CA5A: variants seen among roughly 807,000 people sequenced by gnomAD.
CA5A encodes the protein carbonic anhydrase 5A.
In CA5A, 28 loss-of-function variants were observed where a neutral mutation model predicts 37.1. That is an observed-to-expected ratio of 0.75 (90% CI 0.56 to 1.03). The LOEUF (loss-of-function observed/expected upper bound fraction) is 1.03. Ranked by LOEUF, CA5A falls within the 50% of genes least tolerant of loss-of-function variation. The probability of loss-of-function intolerance (pLI) is 0.00; values close to 1 mark genes in which losing one functional copy is unlikely to be tolerated. For missense variants in CA5A, 444 were observed against 399.9 expected (o/e 1.11, Z -0.94); for synonymous variants, 171 against 158.4 (o/e 1.08, Z -0.60).
chr16:87,924,675 C>A (rs369443251), intron 2 of CA5A, among the ~76,000 whole-genome samples: 1 of 152,364 alleles, frequency 6.6e-6, no homozygotes, highest in Middle Eastern at 3.4e-3. Context: ...CAGACCTCCC[C>A]GTGACAGCAG....
intron 2 of CA5A, among the ~76,000 whole-genome samples, chr16:87,920,094 C>G (rs1219322811): frequency 6.6e-6 from 1 of 152,156 alleles, no homozygotes; most frequent in Non-Finnish European, 1.5e-5. Context: ...GAGGACAAGG[C>G]TGAGTCACGA....
At chr16:87,910,656 C>T (rs2056037378) in intron 2 of CA5A, among the ~76,000 whole-genome samples, 1 of 152,142 alleles carries the variant, frequency 6.6e-6, no homozygotes, top group Non-Finnish European at 1.5e-5. Flanking sequence ...CGGCTCACTT[C>T]AACCTCTGCC....
chr16:87,907,957 T>A (rs4843736), intron 2 of CA5A, among the ~76,000 whole-genome samples: 1 of 151,924 alleles, frequency 6.6e-6, no homozygotes, highest in African/African-American at 2.4e-5. Context: ...ACAAAAGCGG[T>A]TGTTTCCGTC....
intron 1 of CA5A, 27 bp downstream of exon 1, chr16:87,936,282 T>A (rs761676750): frequency 6.5e-7 from 1 of 1,546,558 alleles, no homozygotes; most frequent in South Asian, 1.1e-5. Context: ...TCCAGTCGCA[T>A]CTTAGGAAAT....
chr16:87,924,150 C>G (rs560694422), intron 2 of CA5A: 85 of 985,310 alleles, frequency 8.6e-5, no homozygotes, highest in Non-Finnish European at 9.8e-5. Flanking sequence ...CCCACTTTCC[C>G]TCTTCTTCTC....
At position 87,913,456 on chromosome 16, in the gene CA5A, A is replaced by AT. The variant is rs546370762; in HGVS notation, c.341-8553dup. Reference sequence around the variant, plus strand: ...TAGCTGGGACCACCATGCCCGGCTAATTTTTTTTACAAGACCACTGTTAAA... The same window carrying AT: ...TAGCTGGGACCACCATGCCCGGCTAATTTTTTTTTACAAGACCACTGTTAAA... On this transcript the variant is annotated intron_variant, in intron 2 of 6. Transcript: ENST00000649794. 1.3e-3 allele frequency among the ~76,000 whole-genome samples: 198 copies of AT among 151,862 alleles called. 1 individual carries two copies. Among genetic ancestry groups the AT allele is most frequent in the African/African-American group, 3.6e-3 (151 of 41,396 alleles).
In CA5A at chr16:87,902,413, G is replaced by C. The variant is rs183776303; in HGVS notation, c.555+12C>G. ...CTTTCTTCATTAGATCTACACCCGA[G>C]CAAGTGATTACCTTTAAAAACACGC... On this transcript the variant is annotated intron_variant, in intron 4 of 6. Transcript: ENST00000649794. 251 of 1,529,514 alleles carry C rather than the reference G, an allele frequency of 1.6e-4. No individual in the cohort carries two copies. The African/African-American group carries it at 2.7e-3, about 16-fold the overall frequency. 94.7% of individuals were successfully genotyped at this position (1,529,514 alleles called of 1,614,324 possible). A position where few individuals can be genotyped will look rare whatever the true frequency, so the allele number is the denominator to read the frequency against.
At chr16:87,908,956 T>A (rs959633390) in intron 2 of CA5A, among the ~76,000 whole-genome samples, 3 of 151,536 alleles carry the variant, frequency 2.0e-5, no homozygotes, top group Non-Finnish European at 2.9e-5. Flanking sequence ...CCCAAGTAGC[T>A]GGGACTACAG....
chr16:87,899,525 A>T (rs905543720), intron 5 of CA5A, among the ~76,000 whole-genome samples: 1 of 150,428 alleles, frequency 6.6e-6, no homozygotes, highest in Non-Finnish European at 1.5e-5. Context: ...CTGGTTTTGA[A>T]CACCTGACCT....
chr16:87,923,040 G>A (rs140564743), intron 2 of CA5A, among the ~76,000 whole-genome samples: 4 of 152,368 alleles, frequency 2.6e-5, no homozygotes, highest in Admixed American at 2.0e-4. Context: ...ACAATCTGCA[G>A]TCGGAACGGA....
chr16:87,888,495 C>G (rs923445434), intron 6 of CA5A, among the ~76,000 whole-genome samples: 25 of 152,084 alleles, frequency 1.6e-4, no homozygotes, highest in Admixed American at 1.4e-3. Context: ...GGAAGCTGGT[C>G]GCCATATTGG....
In CA5A at chr16:87,901,977, G is replaced by A. The variant is rs1381529536; in HGVS notation, c.556-3C>T. On this transcript the variant is annotated splice_region_variant and splice_polypyrimidine_tract_variant and intron_variant, in intron 4 of 6. Coordinates refer to ENST00000649794, the MANE Select transcript of CA5A (RefSeq NM_001739.2). ...AGCGTCTGATGATGGGCCCCGAGCT[G>A]CATGGCAGACAAAGGAGGGGTTAGC... 1.2e-6 allele frequency: 2 copies of A among 1,613,364 alleles called. No individual in the cohort carries two copies. The highest frequency in any genetic ancestry group is 2.2e-5 in the East Asian group (1 of 44,872).
chr16:87,902,789 G>A (rs1446642489), intron 3 of CA5A, among the ~76,000 whole-genome samples: 1 of 151,526 alleles, frequency 6.6e-6, no homozygotes, highest in East Asian at 2.0e-4. Context: ...GCGGGAGCCT[G>A]TAGTCCCAGG....
At chr16:87,906,129 G>A (rs542933904) in intron 2 of CA5A, among the ~76,000 whole-genome samples, 46 of 152,198 alleles carry the variant, frequency 3.0e-4, no homozygotes, top group Admixed American at 3.9e-4. Context: ...GCAGCACAGC[G>A]TGCTCCTGGG....
chr16:87,903,314 C>G (rs1435895070), intron 3 of CA5A, among the ~76,000 whole-genome samples: 1 of 152,072 alleles, frequency 6.6e-6, no homozygotes, highest in Non-Finnish European at 1.5e-5. Flanking sequence ...GCCTGTAATC[C>G]CAGCTACTCA....
At chr16:87,907,543 C>T (rs1191720890) in intron 2 of CA5A, among the ~76,000 whole-genome samples, 1 of 152,206 alleles carries the variant, frequency 6.6e-6, no homozygotes, top group African/African-American at 2.4e-5. Context: ...ATGATGGATG[C>T]TTCATGGACA....
At chr16:87,920,175 C>G (rs1222133941) in intron 2 of CA5A, among the ~76,000 whole-genome samples, 1 of 152,198 alleles carries the variant, frequency 6.6e-6, no homozygotes, top group African/African-American at 2.4e-5. Context: ...CACCCCTCAC[C>G]CGAGGTCTGC....
At chr16:87,919,551 G>T (rs1305355756) in intron 2 of CA5A, among the ~76,000 whole-genome samples, 3 of 151,880 alleles carry the variant, frequency 2.0e-5, no homozygotes, top group Admixed American at 6.6e-5. Flanking sequence ...GAGTCTGGGG[G>T]AGCACTCACA....
chr16:87,930,589 G>A (rs1316225590), intron 1 of CA5A, among the ~76,000 whole-genome samples: 1 of 152,138 alleles, frequency 6.6e-6, no homozygotes, highest in East Asian at 1.9e-4. Flanking sequence ...GCTGCTGTGG[G>A]CAACGGGCCC....
Sources: allele counts gnomAD v4.1 joint callset (sites outside exome capture counted in the v4.1 genomes callset), GRCh38; gene constraint gnomAD v4.1.1; transcripts MANE v1.5; gene names NCBI Gene and HGNC (gene_info 2026-07-23, HGNC 2026-07-21).